Variants in ARRB2 observed in about 807,000 individuals in gnomAD.
ARRB2 encodes the protein beta-arrestin-2.
ARRB2 carries 21 observed loss-of-function variants against 53.4 expected under a neutral mutation model. The ratio of observed to expected loss-of-function variants is 0.39; its 90% CI spans 0.28 to 0.57. The LOEUF is 0.57. Among genes scored for constraint, ARRB2 ranks in the 20% least tolerant of loss-of-function variants. The pLI, the probability that ARRB2 is intolerant of heterozygous loss-of-function variation, is 0.55. For missense variants in ARRB2, 369 were observed against 527.5 expected (o/e 0.70, Z 2.94); for synonymous variants, 180 against 212.9 (o/e 0.85, Z 1.34).
chr17:4,719,380 A>T lies in ARRB2; in HGVS notation c.877A>T (p.Lys293Ter). ...REKRGLALDG[K>*]LKHEDTNLAS... ...GAAGCGGGGTCTCGCCCTGGATGGG[A>T]AACTCAAGCACGAGGACACCAACCT... is the stretch of plus-strand genomic sequence containing the variant. The change falls in exon 11 of 15, where the codon AAA (lysine) becomes TAA (stop). Residue 293 changes from lysine to a stop codon, truncating the protein, a stop_gained. Transcript: ENST00000269260. LOFTEE classifies it high-confidence loss of function. 1 of 1,614,190 alleles carries T rather than the reference A, an allele frequency of 6.2e-7. No homozygotes were observed. Among genetic ancestry groups the T allele is most frequent in the Non-Finnish European group, 8.5e-7 (1 of 1,180,034 alleles).
chr17:4,717,232 C>T lies in ARRB2; in HGVS notation c.373C>T (p.Pro125Ser), dbSNP rs1915167164. Reference sequence around the variant, plus strand: ...TCCGCCACAGATACCCCAGAATCTTCCATGCTCCGTCACACTGCAGCCAGG... The same window carrying T: ...TCCGCCACAGATACCCCAGAATCTTTCATGCTCCGTCACACTGCAGCCAGG... ...PFFFTIPQNL[P>S]CSVTLQPGPE... Residue 125 changes from proline to serine, a missense_variant, in exon 6 of 15, where the codon CCA becomes TCA. Transcript: ENST00000269260. The surrounding 1 kb of genome is among the most constrained non-coding windows in gnomAD (Gnocchi z 6.0). 1 of 1,614,132 alleles carries T rather than the reference C, an allele frequency of 6.2e-7. No individual in the cohort carries two copies. The highest frequency in any genetic ancestry group is 8.5e-7 in the Non-Finnish European group (1 of 1,179,982).
At position 4,717,351 on chromosome 17, in the gene ARRB2, A is replaced by G. The variant is rs1915179035; in HGVS notation, c.417+75A>G. On this transcript the variant is annotated intron_variant, in intron 6 of 14. Transcript: ENST00000269260. This position sits in a 1 kb window ranked among gnomAD's most constrained non-coding sequence, Gnocchi z 6.0. ...AGGAGCCTGGAGGCACAGCTGAGCC[A>G]GAGGGTGAACTGTCGAGATGCCAGG... is the stretch of plus-strand genomic sequence containing the variant. 1.9e-6 allele frequency: 3 copies of G among 1,555,230 alleles called. No homozygotes were observed. Among genetic ancestry groups the G allele is most frequent in the Admixed American group, 1.7e-5 (1 of 59,886 alleles).
At chr17:4,719,007 C>T (rs1463747950) in intron 10 of ARRB2, among the ~76,000 whole-genome samples, 1 of 152,194 alleles carries the variant, frequency 6.6e-6, no homozygotes, top group East Asian at 1.9e-4. Flanking sequence ...CCCCTGACCT[C>T]AAGTGACCCA....
rs757834600 is a variant in ARRB2, at chr17:4,720,578, C to T, written c.1082-8C>T. 7 of 1,567,474 alleles carry T rather than the reference C, an allele frequency of 4.5e-6. No homozygotes were observed. Among genetic ancestry groups the T allele is most frequent in the Admixed American group, 3.8e-5 (2 of 52,682 alleles). ...CCACCCCCACACCCCCTCTTCCCGT[C>T]CCCCCAGCCGCTCCGGAGACAGATG... On this transcript the variant is annotated splice_region_variant and splice_polypyrimidine_tract_variant and intron_variant, in intron 13 of 14. Transcript: ENST00000269260.
Position 4,715,974 on chromosome 17 carries a change from T to C in ARRB2, c.56T>C (p.Leu19Pro). 6.2e-7 allele frequency: 1 copy of C among 1,614,158 alleles called. No individual in the cohort carries two copies. Among genetic ancestry groups the C allele is most frequent in the Non-Finnish European group, 8.5e-7 (1 of 1,180,016 alleles). ...CCTGTGACCCCTTGACATCCTCAGC[T>C]CACCGTGTACTTGGGCAAGCGGGAC... Reference protein sequence around the residue: ...VFKKSSPNCKLTVYLGKRDFV... With the variant: ...VFKKSSPNCKPTVYLGKRDFV... The change falls in exon 3 of 15, where the codon CTC (leucine) becomes CCC (proline). Residue 19 changes from leucine (L) to proline (P), a missense_variant and splice_region_variant. Physicochemically the swap from Leu to Pro is moderately conservative, Grantham distance 98 (BLOSUM62 -3). Transcript: ENST00000269260.
Position 4,717,709 on chromosome 17 carries a change from C to G in ARRB2, c.442C>G (p.Arg148Gly). The G allele has an allele frequency of 6.2e-7, 1 of 1,614,132 alleles. No homozygotes were observed. The highest frequency in any genetic ancestry group is 8.5e-7 in the Non-Finnish European group (1 of 1,180,028). Residue 148 changes from arginine (R) to glycine (G), a missense_variant, in exon 7 of 15, where the codon CGA becomes GGA. Arg to Gly is a moderately radical substitution (Grantham distance 125). Coordinates refer to ENST00000269260, the MANE Select transcript of ARRB2 (RefSeq NM_004313.4). This position sits in a 1 kb window ranked among gnomAD's most constrained non-coding sequence, Gnocchi z 6.0. ...GKACGVDFEI[R>G]AFCAKSLEEK... is the part of the protein sequence containing the mutation. ...GGCCTGCGGCGTAGACTTTGAGATT[C>G]GAGCCTTCTGTGCTAAATCACTAGA...
At chr17:4,720,097 T>C (rs896967087) in intron 11 of ARRB2, 119 bp from the exon 12 acceptor site, 12 of 1,015,916 alleles carry the variant, frequency 1.2e-5, no homozygotes, top group Non-Finnish European at 1.8e-5. Flanking sequence ...CCTGGGCTGC[T>C]GGGGCCCTGG....
Position 4,716,470 on chromosome 17 carries a change from C to T in ARRB2, c.219C>T (p.Gly73=). ...RYGREDLDVL[G]LSFRKDLFIA... is the part of the protein sequence containing the mutation. ...GCCGTGAAGACCTGGATGTGCTGGG[C>T]TTGTCCTTCCGCAAAGACCTGTTCA... The change falls in exon 5 of 15, where the codon GGC becomes GGT. Residue 73 remains glycine, a synonymous_variant. Transcript: ENST00000269260. 2.5e-6 allele frequency: 4 copies of T among 1,614,216 alleles called. No homozygotes were observed. The highest frequency in any genetic ancestry group is 3.4e-6 in the Non-Finnish European group (4 of 1,180,030).
At chr17:4,714,780 G>A (rs918633907) in intron 1 of ARRB2, 100 of 265,126 alleles carry the variant, frequency 3.8e-4, no homozygotes, top group Non-Finnish European at 5.7e-4. Flanking sequence ...TTGCCACCAC[G>A]TTAGAAATAG....
At chr17:4,712,468 G>T (rs531721159) in intron 1 of ARRB2, among the ~76,000 whole-genome samples, 1 of 152,240 alleles carries the variant, frequency 6.6e-6, no homozygotes, top group African/African-American at 2.4e-5. Flanking sequence ...TGGAAAGATG[G>T]TTAGGTCTTA....
In ARRB2 at chr17:4,717,308, G is replaced by A. The variant is rs1915176141; in HGVS notation, c.417+32G>A. The A allele has an allele frequency of 1.2e-6, 2 of 1,611,292 alleles. No homozygotes were observed. The highest frequency in any genetic ancestry group is 2.2e-5 in the East Asian group (1 of 44,876). On this transcript the variant is annotated intron_variant, in intron 6 of 14. Coordinates refer to ENST00000269260, the MANE Select transcript of ARRB2 (RefSeq NM_004313.4). This position sits in a 1 kb window ranked among gnomAD's most constrained non-coding sequence, Gnocchi z 6.0. Reference sequence around the variant, plus strand: ...GAGGAACAGCTCTGAGGGCTCCTAGGGCAGGACATGGGCCAGCAGGAGCCT... The same window carrying A: ...GAGGAACAGCTCTGAGGGCTCCTAGAGCAGGACATGGGCCAGCAGGAGCCT...
intron 14 of ARRB2, 69 bp from the exon 15 acceptor site, chr17:4,720,877 G>A: frequency 6.7e-7 from 1 of 1,503,434 alleles, no homozygotes; most frequent in Non-Finnish European, 9.2e-7. Context: ...CTTCGGGGAG[G>A]GCAGGGAGTG....
rs1230739772 is a variant in ARRB2 at position 4,717,160 on chromosome 17, G to C, written c.358-57G>C. The C allele has an allele frequency of 1.3e-6, 2 of 1,575,112 alleles. No homozygotes were observed. Among genetic ancestry groups the C allele is most frequent in the African/African-American group, 2.7e-5 (2 of 74,110 alleles). ...CTCCAGCCTCTTAGGTTGAGATTTG[G>C]AGGAAGATCTGGGGGCTTTCTGGAA... On this transcript the variant is annotated intron_variant, in intron 5 of 14. Coordinates refer to ENST00000269260, the MANE Select transcript of ARRB2 (RefSeq NM_004313.4). This position sits in a 1 kb window ranked among gnomAD's most constrained non-coding sequence, Gnocchi z 6.0.
At chr17:4,713,269 C>T (rs184826028) in intron 1 of ARRB2, among the ~76,000 whole-genome samples, 17 of 150,786 alleles carry the variant, frequency 1.1e-4, no homozygotes, top group African/African-American at 3.2e-4. Context: ...CTGAGGCGGG[C>T]GGATCACTAG....
At chr17:4,719,891 C>T (rs1479730396) in intron 11 of ARRB2, among the ~76,000 whole-genome samples, 1 of 152,158 alleles carries the variant, frequency 6.6e-6, no homozygotes, top group East Asian at 1.9e-4. Flanking sequence ...ACTGCACAGC[C>T]ACACACAGCA....
At position 4,720,245 on chromosome 17, in the gene ARRB2, T is replaced by C; in HGVS notation, c.947T>C (p.Leu316Pro). 1.9e-6 allele frequency: 3 copies of C among 1,613,810 alleles called. No homozygotes were observed. The highest frequency in any genetic ancestry group is 2.5e-6 in the Non-Finnish European group (3 of 1,179,880). ...IVKEGANKEV[L>P]GILVSYRVKV... Reference sequence around the variant, plus strand: ...AAGGAGGGTGCCAACAAGGAGGTGCTGGGAATCCTGGTGTCCTACAGGGTC... The same window carrying C: ...AAGGAGGGTGCCAACAAGGAGGTGCCGGGAATCCTGGTGTCCTACAGGGTC... Residue 316 changes from leucine to proline, a missense_variant, in exon 12 of 15, where the codon CTG becomes CCG. Coordinates refer to ENST00000269260, the MANE Select transcript of ARRB2 (RefSeq NM_004313.4).
At position 4,719,249 on chromosome 17, in the gene ARRB2, C is replaced by G. The variant is rs201826296; in HGVS notation, c.780-34C>G. On this transcript the variant is annotated intron_variant, in intron 10 of 14. Coordinates refer to ENST00000269260, the MANE Select transcript of ARRB2 (RefSeq NM_004313.4). The stretch of plus-strand genomic sequence containing the variant: ...GCCGCCCCTTGCCCAGCCCAGCGCC[C>G]CTAAGCATCTTGTTCTCTTGTCCCC... 136 of 1,598,634 alleles carry G rather than the reference C, an allele frequency of 8.5e-5. 1 individual carries two copies. In the East Asian group the frequency reaches 2.8e-3, roughly 33 times the overall value.
chr17:4,720,778 A>T, intron 14 of ARRB2, 138 bp downstream of exon 14: 1 of 1,065,814 alleles, frequency 9.4e-7, no homozygotes, highest in Non-Finnish European at 1.4e-6. Flanking sequence ...TAGCCTTGTG[A>T]GGCTGCCTCT....
intron 2 of ARRB2, 77 bp from the exon 3 acceptor site, chr17:4,715,896 G>C (rs926444321): frequency 1.3e-6 from 2 of 1,547,514 alleles, no homozygotes; most frequent in African/African-American, 2.7e-5. Flanking sequence ...TCCCCGGGCA[G>C]GGCAGCCAGT....
Sources: allele counts gnomAD v4.1 joint callset (sites outside exome capture counted in the v4.1 genomes callset), GRCh38; gene constraint gnomAD v4.1.1; non-coding constraint Gnocchi (gnomAD v3.1); transcripts MANE v1.5; gene names NCBI Gene and HGNC (gene_info 2026-07-23, HGNC 2026-07-21).